SEPTIN7: variants seen among roughly 807,000 people sequenced by gnomAD.
SEPTIN7 encodes the protein septin-7.
A neutral mutation model predicts 63.3 loss-of-function variants in SEPTIN7; 10 were observed. The ratio of observed to expected loss-of-function variants is 0.16; its 90% CI spans 0.10 to 0.27. The LOEUF is 0.27. SEPTIN7 is among the 10% of genes least tolerant of loss of function. SEPTIN7 has a pLI of 1.00. For synonymous variants in SEPTIN7, 131 were observed against 165.3 expected (o/e 0.79, Z 1.59); for missense variants, 310 against 521.0 (o/e 0.59, Z 3.94).
At chr7:35,869,316 G>A (rs1562562911) in intron 4 of SEPTIN7, among the ~76,000 whole-genome samples, 3 of 152,132 alleles carry the variant, frequency 2.0e-5, no homozygotes, top group Non-Finnish European at 4.4e-5. Context: ...AAGCATAACT[G>A]TTTTACTATT....
intron 11 of SEPTIN7, among the ~76,000 whole-genome samples, chr7:35,893,488 C>A (rs1216383975): frequency 6.6e-6 from 1 of 152,002 alleles, no homozygotes; most frequent in East Asian, 1.9e-4. Context: ...ATACAAGATC[C>A]CATAATATCG....
At chr7:35,872,895 G>A in intron 5 of SEPTIN7, 129 bp downstream of exon 5, 1 of 632,702 alleles carries the variant, frequency 1.6e-6, no homozygotes, top group Non-Finnish European at 2.8e-6. Context: ...ACATGACTTG[G>A]GTTTGTATAC....
At chr7:35,842,208 G>A (rs1419639476) in intron 3 of SEPTIN7, among the ~76,000 whole-genome samples, 1 of 152,024 alleles carries the variant, frequency 6.6e-6, no homozygotes, top group East Asian at 1.9e-4. Context: ...TTTATGCCAG[G>A]ATATTGTACT....
rs940315322 is a variant in SEPTIN7, at chr7:35,803,164, G to A, written c.61+1894G>A. 4.6e-5 allele frequency: 44 copies of A among 965,934 alleles called. No homozygotes were observed. The African/African-American group carries it at 4.8e-4, about 10-fold the overall frequency. The allele number at this position is 965,934 out of a possible 1,614,324, so 59.8% of individuals were successfully genotyped here. On this transcript the variant is annotated intron_variant, in intron 1 of 13. Coordinates refer to ENST00000350320, the MANE Select transcript of SEPTIN7 (RefSeq NM_001788.6). The stretch of plus-strand genomic sequence containing the variant: ...TGTAGCTTAACAATTTTTGTTGCAG[G>A]CTTTGGTTTGGAGATATTTGATGCA...
intron 3 of SEPTIN7, among the ~76,000 whole-genome samples, chr7:35,840,931 CT>C (rs1264874849): frequency 6.6e-6 from 1 of 152,132 alleles, no homozygotes; most frequent in African/African-American, 2.4e-5. Flanking sequence ...AAAAATGGTA[CT>C]TTTTTTCAGT....
the SEPTIN7 span, among the ~76,000 whole-genome samples, chr7:35,914,595 C>A: frequency 6.6e-6 from 1 of 151,778 alleles, no homozygotes; most frequent in African/African-American, 2.4e-5. Context: ...ATTGTGTGAC[C>A]CAATTCCTTA....
At chr7:35,802,430 T>C (rs1345054728) in intron 1 of SEPTIN7, among the ~76,000 whole-genome samples, 1 of 152,242 alleles carries the variant, frequency 6.6e-6, no homozygotes, top group African/African-American at 2.4e-5. Context: ...CTTACTACAT[T>C]TCTTGAGTTT....
chr7:35,839,775 G>C (rs1784315409), intron 3 of SEPTIN7, among the ~76,000 whole-genome samples: 1 of 152,084 alleles, frequency 6.6e-6, no homozygotes, highest in Non-Finnish European at 1.5e-5. Context: ...GGCTGGTCTT[G>C]AACTCCTGAC....
At chr7:35,841,434 A>C (rs561407107) in intron 3 of SEPTIN7, among the ~76,000 whole-genome samples, 1 of 152,312 alleles carries the variant, frequency 6.6e-6, no homozygotes, top group South Asian at 2.1e-4. Flanking sequence ...TGGTCTTTGA[A>C]AATAATACAA....
At chr7:35,847,799 C>CCTGGT (rs1303229201) in intron 3 of SEPTIN7, 3 of 151,950 alleles carry the variant, frequency 2.0e-5, no homozygotes, top group African/African-American at 7.3e-5. Context: ...ATACTTCATC[C>CCTGGT]CTGGTCCTTA....
intron 12 of SEPTIN7, chr7:35,902,418 T>G (rs1788379509): frequency 6.6e-6 from 1 of 152,154 alleles, no homozygotes; most frequent in African/African-American, 2.4e-5. Context: ...AAAATCCACA[T>G]TTCCAGACTT....
chr7:35,882,675 T>C (rs1786962373), intron 8 of SEPTIN7, 99 bp downstream of exon 8: 1 of 1,102,326 alleles, frequency 9.1e-7, no homozygotes, highest in Non-Finnish European at 1.2e-6. Context: ...TTTTAAGTAG[T>C]TGGCTTACAA....
intron 7 of SEPTIN7, 38 bp from the exon 8 acceptor site, chr7:35,882,446 G>A: frequency 7.2e-7 from 1 of 1,388,558 alleles, no homozygotes; most frequent in South Asian, 1.5e-5. Flanking sequence ...TACTAATTAT[G>A]TATGGTGCTC....
intron 3 of SEPTIN7, chr7:35,848,123 T>A (rs2116033907): frequency 6.6e-6 from 1 of 152,378 alleles, no homozygotes; most frequent in South Asian, 2.1e-4. Flanking sequence ...CTGCAAAATC[T>A]ACTTTTTCTG....
chr7:35,826,716 C>T (rs1463092846), intron 1 of SEPTIN7, among the ~76,000 whole-genome samples: 1 of 151,978 alleles, frequency 6.6e-6, no homozygotes, highest in Non-Finnish European at 1.5e-5. Context: ...TCCCCTTGAT[C>T]AATTTTTTGT....
intron 3 of SEPTIN7, among the ~76,000 whole-genome samples, chr7:35,837,235 CTT>C (rs777016244): frequency 4.5e-4 from 69 of 152,226 alleles, no homozygotes; most frequent in Admixed American, 2.4e-3. Flanking sequence ...GATAATAACT[CTT>C]AAGTATAGGA....
chr7:35,910,919 T>C (rs1348530471), downstream of SEPTIN7, among the ~76,000 whole-genome samples: 1 of 152,208 alleles, frequency 6.6e-6, no homozygotes, highest in Non-Finnish European at 1.5e-5. Flanking sequence ...GTACAGGCTA[T>C]GCTTGTGTTT....
chr7:35,824,881 A>G (rs1416009802), intron 1 of SEPTIN7, among the ~76,000 whole-genome samples: 7 of 152,146 alleles, frequency 4.6e-5, no homozygotes, highest in Admixed American at 2.6e-4. Flanking sequence ...TATTAATAAG[A>G]TATTTTTGAT....
chr7:35,801,885 C>T (rs1240330842), intron 1 of SEPTIN7, among the ~76,000 whole-genome samples: 2 of 152,108 alleles, frequency 1.3e-5, no homozygotes, highest in African/African-American at 2.4e-5. Flanking sequence ...GCGTCGCCTC[C>T]CCGCTCCTCC....
Sources: allele counts gnomAD v4.1 joint callset (sites outside exome capture counted in the v4.1 genomes callset), GRCh38; gene constraint gnomAD v4.1.1; transcripts MANE v1.5; gene names NCBI Gene and HGNC (gene_info 2026-07-23, HGNC 2026-07-21).